GAGE1: variants seen among roughly 807,000 people sequenced by gnomAD.
GAGE1 encodes G antigen 1.
In GAGE1, 5 loss-of-function variants were observed where a neutral mutation model predicts 5.0. The ratio of observed to expected loss-of-function variants is 1.00; its 90% confidence interval spans 0.52 to 2.11. GAGE1 has a LOEUF of 2.11. GAGE1 is among the 30% of genes most tolerant of loss of function. The pLI is 0.01. For missense variants in GAGE1, 9 were observed against 38.9 expected (o/e 0.23, Z 2.04); for synonymous variants, 6 against 14.8 (o/e 0.40, Z 1.37).
rs782020751 is a variant in GAGE1 at position 49,607,420 on chromosome X, CTTCATAAAACGGG to C, written c.*1408_*1420del. 1 of 111,887 alleles carries C rather than the reference CTTCATAAAACGGG, an allele frequency of 8.9e-6. No individual in the cohort carries two copies. The highest frequency in any genetic ancestry group is 3.8e-4 in the South Asian group (1 of 2,655). 9.2% of individuals were successfully genotyped at this position (111,887 alleles called of 1,213,427 possible). On this transcript the variant is annotated 3_prime_UTR_variant, in exon 5 of 5. Coordinates refer to ENST00000381700, the MANE Select transcript of GAGE1 (RefSeq NM_001040663.4). ...GACGTTGTTATCAAGGTTCCTCTAGCTTCATAAAACGGGTTGGTATGTAAAACCTCTTTTTCCA... is the reference window on the plus strand; with the variant it reads ...GACGTTGTTATCAAGGTTCCTCTAGCTTGGTATGTAAAACCTCTTTTTCCA...
rs985428487 is a variant in GAGE1 at position 49,607,568 on chromosome X, A to G, written c.*1553A>G. The G allele has an allele frequency of 5.4e-5, 6 of 111,325 alleles. No homozygotes were observed. Among genetic ancestry groups the G allele is most frequent in the Admixed American group, 9.6e-5 (1 of 10,383 alleles). 9.2% of individuals were successfully genotyped at this position (111,325 alleles called of 1,213,427 possible). On this transcript the variant is annotated 3_prime_UTR_variant, in exon 5 of 5. Coordinates refer to ENST00000381700, the MANE Select transcript of GAGE1 (RefSeq NM_001040663.4). ...CAGATTTGGACCCTACTTAAACAGC[A>G]GTGACCAAACGGGCAGCTCCAGGTA...
intron 4 of GAGE1, among the ~76,000 whole-genome samples, chrX:49,604,673 A>G (rs2066641306): frequency 8.9e-6 from 1 of 112,599 alleles, no homozygotes. Flanking sequence ...GGCCCGAGTC[A>G]TCTGAAAATC....
intron 4 of GAGE1, among the ~76,000 whole-genome samples, chrX:49,605,741 T>C (rs1202279974): frequency 1.8e-5 from 2 of 110,248 alleles, no homozygotes; most frequent in Non-Finnish European, 3.8e-5. Context: ...AAACCCCGTG[T>C]CTACTAAACA....
chrX:49,603,966 C>A (rs1468564434), intron 4 of GAGE1, among the ~76,000 whole-genome samples, 173 bp downstream of exon 4: 1 of 113,276 alleles, frequency 8.8e-6, no homozygotes, highest in Non-Finnish European at 1.9e-5. Context: ...GATTCTCCTG[C>A]CTGAGCCTCT....
chrX:49,605,111 A>T (rs201563500), intron 4 of GAGE1: 87 of 1,007,224 alleles, frequency 8.6e-5, no homozygotes, highest in Admixed American at 3.0e-4. Context: ...AAATGGCAAG[A>T]GACCGTTTAG....
rs60317552 is a variant in GAGE1 at position 49,602,560 on chromosome X, T to TCACACACACACA, written c.206-1097_206-1086dup. Among the ~76,000 whole-genome samples the TCACACACACACA allele has an allele frequency of 7.5e-3, 525 of 70,419 alleles. 1 individual carries two copies. Among genetic ancestry groups the TCACACACACACA allele is most frequent in the South Asian group, 0.02 (25 of 1,277 alleles). 61.2% of individuals were successfully genotyped at this position (70,419 alleles called of 115,157 possible). A position where few individuals can be genotyped will look rare whatever the true frequency, so the allele number is the denominator to read the frequency against. ...GTCTCTTACCGTGCTGCCCACACAC[T>TCACACACACACA]CACACACACACACACACACACATAC... On this transcript the variant is annotated intron_variant, in intron 3 of 4. Transcript: ENST00000381700.
chrX:49,604,132 C>G (rs1458249433), intron 4 of GAGE1, among the ~76,000 whole-genome samples: 1 of 112,613 alleles, frequency 8.9e-6, no homozygotes, highest in African/African-American at 3.2e-5. Context: ...GGATTACAGG[C>G]GAGAGCCACT....
rs782500350 is a variant in GAGE1, at chrX:49,605,982, T to C, written c.332-11T>C. 2.8e-6 allele frequency: 3 copies of C among 1,058,143 alleles called. No individual in the cohort carries two copies. In the South Asian group the frequency reaches 9.3e-5, roughly 33 times the overall value. The allele number at this position is 1,058,143 out of a possible 1,213,427, so 87.2% of individuals were successfully genotyped here. ...CTCTGTAATGTTCCCAACTGTTTTG[T>C]TTTGTTTCAGGTGAAGGGCAATCAC... On this transcript the variant is annotated splice_polypyrimidine_tract_variant and intron_variant, in intron 4 of 4. Transcript: ENST00000381700.
chrX:49,604,932 T>G (rs1160322737), intron 4 of GAGE1: 1 of 449,883 alleles, frequency 2.2e-6, no homozygotes, highest in Admixed American at 3.2e-5. Context: ...CTCAGCCTCC[T>G]GAGTGGCTGG....
chrX:49,605,525 T>C (rs1345934462), intron 4 of GAGE1, among the ~76,000 whole-genome samples: 1 of 112,243 alleles, frequency 8.9e-6, no homozygotes, highest in African/African-American at 3.2e-5. Context: ...CAATTGGATA[T>C]ACGACAGAGG....
At chrX:49,605,959 C>G in intron 4 of GAGE1, 34 bp from the exon 5 acceptor site, 1 of 897,856 alleles carries the variant, frequency 1.1e-6, no homozygotes, top group Non-Finnish European at 1.5e-6. Flanking sequence ...ATCTGTTGCT[C>G]TGTAATGTTC....
At chrX:49,604,589 C>T (rs1253011082) in intron 4 of GAGE1, among the ~76,000 whole-genome samples, 1 of 112,089 alleles carries the variant, frequency 8.9e-6, no homozygotes, top group Non-Finnish European at 1.9e-5. Context: ...TACTCTGATC[C>T]TGTTGCATAG....
At chrX:49,605,352 AG>A (rs1557132001) in intron 4 of GAGE1, among the ~76,000 whole-genome samples, 7 of 112,600 alleles carry the variant, frequency 6.2e-5, no homozygotes, top group Non-Finnish European at 1.3e-4. Flanking sequence ...CCATGACTCT[AG>A]TCCTTCCTGA....
At chrX:49,604,883 C>T in intron 4 of GAGE1, 1 of 277,962 alleles carries the variant, frequency 3.6e-6, no homozygotes, top group South Asian at 3.6e-5. Context: ...TTTCAGCTCA[C>T]TGCAACCTCT....
chrX:49,605,030 A>T (rs782723556), intron 4 of GAGE1: 19 of 1,019,233 alleles, frequency 1.9e-5, no homozygotes, highest in East Asian at 6.1e-5. Flanking sequence ...CCAGACTGGG[A>T]TTCTCTGGCT....
chrX:49,602,656 A>T (rs370624275), intron 3 of GAGE1, among the ~76,000 whole-genome samples: 14 of 91,751 alleles, frequency 1.5e-4, no homozygotes, highest in African/African-American at 4.8e-4. Flanking sequence ...CCTTTACCCT[A>T]TGTACTTGAG....
chrX:49,606,072 A>G lies in GAGE1; in HGVS notation c.*57A>G. On this transcript the variant is annotated 3_prime_UTR_variant, in exon 5 of 5. Transcript: ENST00000381700. The stretch of plus-strand genomic sequence containing the variant: ...CCTATGTTGGAAAATTCTTCATTGA[A>G]GTTCTCCCAATAAAGCTTTACAGCC... 1.2e-6 allele frequency: 1 copy of G among 836,705 alleles called. No individual in the cohort carries two copies. The allele number at this position is 836,705 out of a possible 1,213,427, so 69.0% of individuals were successfully genotyped here.
At position 49,603,666 on chromosome X, in the gene GAGE1, A is replaced by T; in HGVS notation, c.206-2A>T. 1 of 1,212,034 alleles carries T rather than the reference A, an allele frequency of 8.3e-7. No individual in the cohort carries two copies. The highest frequency in any genetic ancestry group is 1.1e-6 in the Non-Finnish European group (1 of 895,628). ...AATTGATACGTATTTTTTATTTTTAAGGGCCGAAGCCTGAAGCTGATAGCC... is the reference window on the plus strand; with the variant it reads ...AATTGATACGTATTTTTTATTTTTATGGGCCGAAGCCTGAAGCTGATAGCC... On this transcript the variant is annotated splice_acceptor_variant, in intron 3 of 4. Coordinates refer to ENST00000381700, the MANE Select transcript of GAGE1 (RefSeq NM_001040663.4). LOFTEE classifies it high-confidence loss of function.
chrX:49,602,679 G>A (rs782727376), intron 3 of GAGE1, among the ~76,000 whole-genome samples: 23 of 92,292 alleles, frequency 2.5e-4, no homozygotes, highest in African/African-American at 7.2e-4. Context: ...TGTGTTTATC[G>A]TCAGAACAAA....
Sources: allele counts gnomAD v4.1 joint callset (sites outside exome capture counted in the v4.1 genomes callset), GRCh38; gene constraint gnomAD v4.1.1; transcripts MANE v1.5; gene names NCBI Gene and HGNC (gene_info 2026-07-23, HGNC 2026-07-21).